CDH4: variants seen among roughly 807,000 people sequenced by gnomAD.
The protein encoded by CDH4 is cadherin-4.
In CDH4, 33 loss-of-function variants were observed where a neutral mutation model predicts 86.0. The observed-to-expected ratio is 0.38, with a 90% CI of 0.29 to 0.51. The LOEUF (loss-of-function observed/expected upper bound fraction) is 0.51. CDH4 is among the 20% of genes least tolerant of loss of function. The pLI is 0.86. For missense variants in CDH4, 1,114 were observed against 1,307.4 expected (o/e 0.85, Z 2.28); for synonymous variants, 555 against 549.4 (o/e 1.01, Z -0.14).
intron 2 of CDH4, among the ~76,000 whole-genome samples, chr20:61,564,570 A>T (rs961406418): frequency 5.3e-5 from 8 of 152,100 alleles, no homozygotes; most frequent in African/African-American, 1.9e-4. Flanking sequence ...CTCCACCATG[A>T]TTGAAGCTTC....
chr20:61,684,418 C>T lies in CDH4; in HGVS notation c.170-59145C>T, dbSNP rs1167607214. On this transcript the variant is annotated intron_variant, in intron 2 of 15. Coordinates refer to ENST00000614565, the MANE Select transcript of CDH4 (RefSeq NM_001794.5). The surrounding 1 kb of genome is among the most constrained non-coding windows in gnomAD (Gnocchi z 4.5). ...CTGGTTAAGTAGGTCTGATGTTAAC[C>T]AAGCCAAAATGCAGGGGCAGGGACA... Among the ~76,000 whole-genome samples the T allele has an allele frequency of 6.6e-6, 1 of 152,202 alleles. No homozygotes were observed. Among genetic ancestry groups the T allele is most frequent in the Non-Finnish European group, 1.5e-5 (1 of 68,034 alleles).
intron 2 of CDH4, among the ~76,000 whole-genome samples, chr20:61,454,412 A>G (rs1407484037): frequency 6.6e-6 from 1 of 152,076 alleles, no homozygotes; most frequent in Non-Finnish European, 1.5e-5. Context: ...CGCAAGACAG[A>G]GTAGGAGTCA....
intron 7 of CDH4, among the ~76,000 whole-genome samples, chr20:61,882,427 C>T (rs77724658): frequency 0.03 from 4,504 of 152,350 alleles, 87 homozygotes; most frequent in Middle Eastern, 0.058. Flanking sequence ...CTTGTTTTAA[C>T]TCGGTCAACA....
At chr20:61,694,425 A>G (rs1231939276) in intron 2 of CDH4, among the ~76,000 whole-genome samples, 1 of 152,226 alleles carries the variant, frequency 6.6e-6, no homozygotes, top group South Asian at 2.1e-4. Flanking sequence ...GTCAAGGTGC[A>G]GCTTTCAAGA....
At chr20:61,645,519 C>G (rs2087052211) in intron 2 of CDH4, among the ~76,000 whole-genome samples, 1 of 151,912 alleles carries the variant, frequency 6.6e-6, no homozygotes, top group South Asian at 2.1e-4. Flanking sequence ...GTGGTCCCAG[C>G]TACTCAGGAG....
At position 61,288,756 on chromosome 20, in the gene CDH4, C is replaced by T. The variant is rs761216019; in HGVS notation, c.169+33819C>T. Among the ~76,000 whole-genome samples, 124 of 152,200 alleles carry T rather than the reference C, an allele frequency of 8.1e-4. 1 individual carries two copies. The highest frequency in any genetic ancestry group is 1.4e-3 in the Non-Finnish European group (97 of 68,018). Reference sequence around the variant, plus strand: ...CAGCGATTCGAGCACGCCTGCCCGGCGCTGACGTTGCCGGCTGCTCCACAA... The same window carrying T: ...CAGCGATTCGAGCACGCCTGCCCGGTGCTGACGTTGCCGGCTGCTCCACAA... On this transcript the variant is annotated intron_variant, in intron 2 of 15. Coordinates refer to ENST00000614565, the MANE Select transcript of CDH4 (RefSeq NM_001794.5).
chr20:61,736,805 C>T (rs982261268), intron 2 of CDH4, among the ~76,000 whole-genome samples: 35 of 152,100 alleles, frequency 2.3e-4, no homozygotes, highest in African/African-American at 8.4e-4. Flanking sequence ...TCACCCGGGG[C>T]GGGGGCCACA....
chr20:61,312,335 A>G (rs1823070239), intron 2 of CDH4, among the ~76,000 whole-genome samples: 1 of 145,346 alleles, frequency 6.9e-6, no homozygotes, highest in African/African-American at 2.6e-5. Context: ...GTGTGTGTGT[A>G]TATGTGTGCG....
At position 61,623,171 on chromosome 20, in the gene CDH4, C is replaced by T. The variant is rs918881121; in HGVS notation, c.170-120392C>T. The stretch of plus-strand genomic sequence containing the variant: ...GGATGTGGAGGTGGGAGTAGAAGGG[C>T]CTGGGTTCAAATCTCGACCCTGCCT... On this transcript the variant is annotated intron_variant, in intron 2 of 15. Coordinates refer to ENST00000614565, the MANE Select transcript of CDH4 (RefSeq NM_001794.5). This position sits in a 1 kb window ranked among gnomAD's most constrained non-coding sequence, Gnocchi z 4.4. Among the ~76,000 whole-genome samples the T allele has an allele frequency of 3.3e-5, 5 of 152,048 alleles. No individual in the cohort carries two copies. Among genetic ancestry groups the T allele is most frequent in the Middle Eastern group, 6.3e-3 (2 of 316 alleles).
chr20:61,337,289 C>G (rs4299389), intron 2 of CDH4, among the ~76,000 whole-genome samples: 15 of 55,936 alleles, frequency 2.7e-4, no homozygotes, highest in African/African-American at 1.0e-3. Flanking sequence ...GATAATAACA[C>G]TAATGGTGAT....
chr20:61,768,500 C>T (rs1009753881), intron 3 of CDH4, among the ~76,000 whole-genome samples: 2 of 152,088 alleles, frequency 1.3e-5, no homozygotes, highest in African/African-American at 2.4e-5. Flanking sequence ...TCATTCACTC[C>T]GAAATACAGA....
intron 2 of CDH4, among the ~76,000 whole-genome samples, chr20:61,455,178 A>G (rs978548721): frequency 2.6e-5 from 4 of 152,220 alleles, no homozygotes; most frequent in African/African-American, 9.6e-5. Flanking sequence ...TATACTTTGT[A>G]AAGACATCAA....
intron 2 of CDH4, among the ~76,000 whole-genome samples, chr20:61,647,173 C>G (rs1024238134): frequency 6.6e-6 from 1 of 152,134 alleles, no homozygotes; most frequent in Non-Finnish European, 1.5e-5. Context: ...GGCACGTGTT[C>G]CCAAGCAGGT....
At chr20:61,331,491 C>T (rs1406953591) in intron 2 of CDH4, among the ~76,000 whole-genome samples, 3 of 151,474 alleles carry the variant, frequency 2.0e-5, no homozygotes, top group Non-Finnish European at 4.4e-5. Flanking sequence ...TCACACTTGT[C>T]CAGCATGTCC....
chr20:61,515,172 C>T (rs1045296476), intron 2 of CDH4, among the ~76,000 whole-genome samples: 1 of 152,266 alleles, frequency 6.6e-6, no homozygotes, highest in African/African-American at 2.4e-5. Context: ...AAAGCTTTAA[C>T]ATCTGTGGGT....
At chr20:61,432,250 A>C (rs2427096) in intron 2 of CDH4, among the ~76,000 whole-genome samples, 150,533 of 152,312 alleles carry the variant, frequency 0.99, 74,390 homozygotes, top group East Asian at 1. Flanking sequence ...ACATTCTCAC[A>C]AACAGTGTGT....
chr20:61,274,921 A>G (rs1353559540), intron 2 of CDH4, among the ~76,000 whole-genome samples: 1 of 145,228 alleles, frequency 6.9e-6, no homozygotes, highest in East Asian at 2.2e-4. Flanking sequence ...TTGGGGGAGT[A>G]CTGTGCACAG....
intron 2 of CDH4, among the ~76,000 whole-genome samples, chr20:61,533,744 C>T (rs576578635): frequency 7.9e-5 from 12 of 152,308 alleles, no homozygotes; most frequent in Admixed American, 4.6e-4. Flanking sequence ...GGGGTGAGGG[C>T]GTGGCCATGG....
intron 2 of CDH4, among the ~76,000 whole-genome samples, chr20:61,686,848 G>C (rs943822783): frequency 6.6e-6 from 1 of 152,198 alleles, no homozygotes; most frequent in African/African-American, 2.4e-5. Context: ...TAGGTTTTGT[G>C]CTAGGGATTG....
Sources: gnomAD v4.1 joint callset for allele counts (sites outside exome capture counted in the v4.1 genomes callset) on GRCh38, gnomAD v4.1.1 for gene constraint, Gnocchi (gnomAD v3.1) non-coding constraint, MANE v1.5 for transcripts, NCBI Gene and HGNC (gene_info 2026-07-23, HGNC 2026-07-21) for gene names.